The following KIF11 variants were observed in gnomAD, a reference collection of about 807,000 sequenced individuals.
The protein encoded by KIF11 is kinesin family member 11.
Under a neutral mutation model 121.0 loss-of-function variants are expected in KIF11, and 9 were observed. The ratio of observed to expected loss-of-function variants is 0.07; its 90% CI spans 0.04 to 0.13. The LOEUF (loss-of-function observed/expected upper bound fraction) is 0.13. Ranked by LOEUF, KIF11 falls within the 10% of genes least tolerant of loss-of-function variation. The probability of loss-of-function intolerance (pLI) is 1.00; values close to 1 mark genes in which losing one functional copy is unlikely to be tolerated. For synonymous variants in KIF11, 408 were observed against 421.0 expected (o/e 0.97, Z 0.38); for missense variants, 846 against 1,217.5 (o/e 0.69, Z 4.54).
intron 1 of KIF11, among the ~76,000 whole-genome samples, chr10:92,600,989 A>G (rs963289751): frequency 2.0e-5 from 3 of 149,030 alleles, no homozygotes; most frequent in Non-Finnish European, 4.4e-5. Context: ...CCTCCCAAGT[A>G]GCTGGGATTA....
chr10:92,597,877 C>T (rs1589585444), intron 1 of KIF11, among the ~76,000 whole-genome samples: 2 of 152,068 alleles, frequency 1.3e-5, no homozygotes, highest in East Asian at 3.9e-4. Context: ...TCTTGATCTC[C>T]TGATCTCAGG....
chr10:92,597,010 C>T (rs1000699357), intron 1 of KIF11: 12 of 397,780 alleles, frequency 3.0e-5, no homozygotes, highest in Admixed American at 2.3e-4. Context: ...CATTTGATAC[C>T]CAAATCTGTG....
intron 6 of KIF11, among the ~76,000 whole-genome samples, chr10:92,612,535 C>T (rs985931439): frequency 3.3e-5 from 5 of 152,136 alleles, no homozygotes; most frequent in Non-Finnish European, 7.3e-5. Context: ...TTTACTATTT[C>T]TGCTGTTAGG....
At chr10:92,605,634 G>A (rs1289390011) in intron 1 of KIF11, among the ~76,000 whole-genome samples, 1 of 151,860 alleles carries the variant, frequency 6.6e-6, no homozygotes, top group East Asian at 1.9e-4. Context: ...TTACAGGCAT[G>A]CACCACCATG....
At chr10:92,629,698 CA>C (rs1246207822) in intron 11 of KIF11, among the ~76,000 whole-genome samples, 13 of 152,132 alleles carry the variant, frequency 8.5e-5, no homozygotes, top group Non-Finnish European at 1.5e-4. Context: ...ACTGCAGCCT[CA>C]AACTTCTGGT....
intron 10 of KIF11, among the ~76,000 whole-genome samples, chr10:92,623,480 A>G (rs1473592935): frequency 3.9e-5 from 6 of 152,234 alleles, no homozygotes; most frequent in African/African-American, 1.4e-4. Context: ...TAGTGATAAA[A>G]GATATTAGAC....
At chr10:92,607,982 C>T (rs1192089659) in intron 4 of KIF11, among the ~76,000 whole-genome samples, 10 of 151,526 alleles carry the variant, frequency 6.6e-5, no homozygotes, top group South Asian at 6.2e-4. Context: ...TGGTGAAACC[C>T]GGTCTCTACT....
intron 14 of KIF11, among the ~76,000 whole-genome samples, chr10:92,636,649 C>G (rs1403092734): frequency 6.6e-6 from 1 of 151,494 alleles, no homozygotes; most frequent in Non-Finnish European, 1.5e-5. Context: ...TGTGTTTTCA[C>G]TGGGCTTGAA....
chr10:92,603,057 T>C (rs930340013), intron 1 of KIF11, among the ~76,000 whole-genome samples: 1 of 151,712 alleles, frequency 6.6e-6, no homozygotes, highest in African/African-American at 2.4e-5. Flanking sequence ...ATCTACCTGC[T>C]TTTACTTCAG....
chr10:92,650,213 G>A (rs1004814338), intron 20 of KIF11, among the ~76,000 whole-genome samples, 188 bp from the exon 21 acceptor site: 9 of 152,154 alleles, frequency 5.9e-5, no homozygotes, highest in Non-Finnish European at 1.2e-4. Flanking sequence ...TTGTTATATA[G>A]GAACCTCTAC....
chr10:92,598,108 G>A (rs1157837480), intron 1 of KIF11, among the ~76,000 whole-genome samples: 2 of 152,134 alleles, frequency 1.3e-5, no homozygotes, highest in Non-Finnish European at 2.9e-5. Flanking sequence ...TTTTTATGAA[G>A]TCCAGTTTGT....
At chr10:92,615,973 G>A (rs1290033328) in intron 8 of KIF11, among the ~76,000 whole-genome samples, 1 of 140,788 alleles carries the variant, frequency 7.1e-6, no homozygotes, top group African/African-American at 3.1e-5. Flanking sequence ...CTGAGTAGCT[G>A]GGATTACAGG....
In KIF11 at chr10:92,613,175, A is replaced by G. The variant is rs1249948368; in HGVS notation, c.789+45A>G. ...CTACTGTTTCACTCTTAAACACCTT[A>G]TAGAGCAGCTTGAAATTTTGTCCTT... On this transcript the variant is annotated intron_variant, in intron 7 of 21. Coordinates refer to ENST00000260731, the MANE Select transcript of KIF11 (RefSeq NM_004523.4). The surrounding 1 kb of genome is among the most constrained non-coding windows in gnomAD (Gnocchi z 4.2). The G allele has an allele frequency of 8.4e-6, 12 of 1,421,586 alleles. No homozygotes were observed. Among genetic ancestry groups the G allele is most frequent in the East Asian group, 2.3e-5 (1 of 43,664 alleles). The allele number at this position is 1,421,586 out of a possible 1,614,324, so 88.1% of individuals were successfully genotyped here. A position where few individuals can be genotyped will look rare whatever the true frequency, so the allele number is the denominator to read the frequency against.
chr10:92,617,999 A>G (rs918394145), intron 9 of KIF11, among the ~76,000 whole-genome samples: 3 of 152,072 alleles, frequency 2.0e-5, no homozygotes, highest in Non-Finnish European at 2.9e-5. Flanking sequence ...CAGCCTCCCA[A>G]AATGCTGGGA....
At chr10:92,608,716 C>T (rs1844458652) in intron 4 of KIF11, among the ~76,000 whole-genome samples, 1 of 152,108 alleles carries the variant, frequency 6.6e-6, no homozygotes, top group Admixed American at 6.6e-5. Flanking sequence ...GGATTATAGG[C>T]GTGAGCCACC....
intron 9 of KIF11, among the ~76,000 whole-genome samples, chr10:92,620,318 G>T (rs1406095925): frequency 6.6e-6 from 1 of 152,110 alleles, no homozygotes; most frequent in Non-Finnish European, 1.5e-5. Context: ...CTGACCTTGT[G>T]ATCCGCCCGC....
chr10:92,646,846 CCATATCTT>C (rs1844925981), intron 18 of KIF11, among the ~76,000 whole-genome samples: 3 of 152,104 alleles, frequency 2.0e-5, no homozygotes, highest in African/African-American at 7.2e-5. Context: ...CCTAAAAGAA[CCATATCTT>C]GGTTTAGCAG....
chr10:92,614,021 T>TATACACAC lies in KIF11; in HGVS notation c.1032+403_1032+404insTACACACA, dbSNP rs1284311727. ...ATAAAAAAAAAGAAAAGTATGTGTATACACACACACACACACACACACACA... is the reference window on the plus strand; with the variant it reads ...ATAAAAAAAAAGAAAAGTATGTGTATATACACACACACACACACACACACACACACACA... On this transcript the variant is annotated intron_variant, in intron 8 of 21. Coordinates refer to ENST00000260731, the MANE Select transcript of KIF11 (RefSeq NM_004523.4). Among the ~76,000 whole-genome samples the TATACACAC allele has an allele frequency of 9.8e-3, 1,248 of 126,864 alleles. 6 individuals are homozygous for TATACACAC. The highest frequency in any genetic ancestry group is 0.023 in the Middle Eastern group (5 of 214). The allele number at this position is 126,864 out of a possible 152,430, so 83.2% of individuals were successfully genotyped here. A position where few individuals can be genotyped will look rare whatever the true frequency, so the allele number is the denominator to read the frequency against.
rs1844252502 is a variant in KIF11, at chr10:92,593,340, C to T, written c.-36C>T. The T allele has an allele frequency of 2.5e-6, 4 of 1,583,122 alleles. No individual in the cohort carries two copies. The South Asian group carries it at 3.5e-5, about 14-fold the overall frequency. On this transcript the variant is annotated 5_prime_UTR_variant, in exon 1 of 22. Coordinates refer to ENST00000260731, the MANE Select transcript of KIF11 (RefSeq NM_004523.4). ...CCTCCGCCCCTCACAGCGCCCAGGT[C>T]CGCGGCCGGGCCTTGATTTTTTGGC...
Sources: allele counts gnomAD v4.1 joint callset (sites outside exome capture counted in the v4.1 genomes callset), GRCh38; gene constraint gnomAD v4.1.1; non-coding constraint Gnocchi (gnomAD v3.1); transcripts MANE v1.5; gene names NCBI Gene and HGNC (gene_info 2026-07-23, HGNC 2026-07-21).